Variants in DOK1 observed in about 807,000 individuals in gnomAD.
DOK1 encodes the protein docking protein 1.
Under a neutral mutation model 24.0 loss-of-function variants are expected in DOK1, and 12 were observed. The ratio of observed to expected loss-of-function variants is 0.50; its 90% CI spans 0.32 to 0.81. The LOEUF is 0.81. Among genes scored for constraint, DOK1 ranks in the 30% least tolerant of loss-of-function variants. The pLI, the probability that DOK1 is intolerant of heterozygous loss-of-function variation, is 0.03. For synonymous variants in DOK1, 250 were observed against 260.9 expected, an observed-to-expected ratio of 0.96 and a Z score of 0.40; for missense variants, 591 against 620.7, an observed-to-expected ratio of 0.95 and a Z score of 0.51.
At chr2:74,549,999 A>G, upstream of DOK1, 1 of 985,414 alleles carries the variant, frequency 1.0e-6, no homozygotes, top group South Asian at 4.7e-5. This position sits in a 1 kb window ranked among gnomAD's most constrained non-coding sequence, Gnocchi z 5.3. Flanking sequence ...TAGCCCCTTG[A>G]ATGTGAATGC....
upstream of DOK1, chr2:74,552,227 G>T (rs1229677100): frequency 8.8e-7 from 1 of 1,136,166 alleles, no homozygotes; most frequent in Non-Finnish European, 1.3e-6. Flanking sequence ...TCTTGGTGTC[G>T]TGTGTCCCTA....
upstream of DOK1, chr2:74,550,069 C>T (rs1198802087): frequency 1.2e-5 from 18 of 1,480,758 alleles, no homozygotes; most frequent in Non-Finnish European, 1.6e-5. Context: ...TCCAAGTCTC[C>T]CACCAATCCA....
Position 74,555,797 on chromosome 2 carries a change from C to G in DOK1, c.455-97C>G. ...TAGGAAGGCCCTGAGATCTGGCTTCCGAGTGAGTGCTTGGACACTATGCTC... is the reference window on the plus strand; with the variant it reads ...TAGGAAGGCCCTGAGATCTGGCTTCGGAGTGAGTGCTTGGACACTATGCTC... On this transcript the variant is annotated intron_variant, in intron 3 of 4. Transcript: ENST00000233668. This position sits in a 1 kb window ranked among gnomAD's most constrained non-coding sequence, Gnocchi z 6.1. 9 of 1,582,770 alleles carry G rather than the reference C, an allele frequency of 5.7e-6. No homozygotes were observed. In the South Asian group the frequency reaches 1.0e-4, roughly 18 times the overall value.
At chr2:74,552,581 C>T, upstream of DOK1, 2 of 1,602,132 alleles carry the variant, frequency 1.2e-6, no homozygotes, top group Non-Finnish European at 1.7e-6. Flanking sequence ...AACTGCACAG[C>T]AGGCACAGCA....
In DOK1 at chr2:74,554,750, G is replaced by T. The variant is rs757047878; in HGVS notation, c.-5G>T. 7 of 1,613,278 alleles carry T rather than the reference G, an allele frequency of 4.3e-6. No homozygotes were observed. In the East Asian group the frequency reaches 1.1e-4, roughly 26 times the overall value. ...CAGGAAGCGCGGAAGGAACCGCCGG[G>T]GGCCATGGACGGAGCAGTGATGGAA... On this transcript the variant is annotated 5_prime_UTR_variant, in exon 1 of 5. Coordinates refer to ENST00000233668, the MANE Select transcript of DOK1 (RefSeq NM_001381.5). This position sits in a 1 kb window ranked among gnomAD's most constrained non-coding sequence, Gnocchi z 4.9.
upstream of DOK1, chr2:74,554,652 G>C (rs1201451706): frequency 6.0e-6 from 7 of 1,175,054 alleles, no homozygotes; most frequent in Non-Finnish European, 8.4e-6. The surrounding 1 kb of genome is among the most constrained non-coding windows in gnomAD (Gnocchi z 4.9). Context: ...GGCTGCCGGC[G>C]GGGGCCGGGG....
upstream of DOK1, chr2:74,552,973 C>G: frequency 3.5e-6 from 1 of 285,550 alleles, no homozygotes; most frequent in Non-Finnish European, 6.5e-6. Context: ...CCCAGACAGA[C>G]AGGATGTGAG....
chr2:74,555,702 T>C lies in DOK1; in HGVS notation c.454+34T>C. The stretch of plus-strand genomic sequence containing the variant: ...CTCAGAAGCCCGGGCAGGGATGGAG[T>C]GAAGAGGAGGAGGGCCGAGGGCCTT... On this transcript the variant is annotated intron_variant, in intron 3 of 4. Coordinates refer to ENST00000233668, the MANE Select transcript of DOK1 (RefSeq NM_001381.5). This position sits in a 1 kb window ranked among gnomAD's most constrained non-coding sequence, Gnocchi z 6.1. The C allele has an allele frequency of 6.2e-7, 1 of 1,611,888 alleles. No individual in the cohort carries two copies. The highest frequency in any genetic ancestry group is 8.5e-7 in the Non-Finnish European group (1 of 1,179,418).
chr2:74,556,555 A>G lies in DOK1; in HGVS notation c.887A>G (p.Tyr296Cys), dbSNP rs367731905. 5.7e-5 allele frequency: 92 copies of G among 1,614,052 alleles called. No individual in the cohort carries two copies. The highest frequency in any genetic ancestry group is 9.3e-5 in the African/African-American group (7 of 74,924). ...CTCCTCGACAGTCCCCCAGCCCTGT[A>G]TGCTGAGCCCTTAGACTCCCTGCGC... is the stretch of plus-strand genomic sequence containing the variant. ...QELLDSPPAL[Y>C]AEPLDSLRIA... Residue 296 changes from tyrosine to cysteine, a missense_variant, in exon 5 of 5, where the codon TAT becomes TGT. Tyr to Cys is a radical substitution (Grantham distance 194). Coordinates refer to ENST00000233668, the MANE Select transcript of DOK1 (RefSeq NM_001381.5). This position sits in a 1 kb window ranked among gnomAD's most constrained non-coding sequence, Gnocchi z 4.1.
Position 74,556,756 on chromosome 2 carries a change from A to G in DOK1, c.1088A>G (p.Asp363Gly). 6.2e-7 allele frequency: 1 copy of G among 1,614,154 alleles called. No individual in the cohort carries two copies. The stretch of plus-strand genomic sequence containing the variant: ...GACCCCAAAGAGGATCCCATCTATG[A>G]TGAACCTGAGGGCCTGGCCCCAGTC... ...LTDPKEDPIY[D>G]EPEGLAPVPP... The change falls in exon 5 of 5, where the codon GAT becomes GGT. Residue 363 changes from aspartate to glycine, a missense_variant. Transcript: ENST00000233668. This position sits in a 1 kb window ranked among gnomAD's most constrained non-coding sequence, Gnocchi z 4.1.
chr2:74,557,353 T>TC lies in DOK1; in HGVS notation c.*243dup. On this transcript the variant is annotated 3_prime_UTR_variant, in exon 5 of 5. Transcript: ENST00000233668. ...CCCCCAAAGCCATCCCTTCCCTACT[T>TC]CCCCAAATGAAGGGACGGCTGTGGG... The TC allele has an allele frequency of 2.1e-6, 1 of 471,676 alleles. No homozygotes were observed. Among genetic ancestry groups the TC allele is most frequent in the Non-Finnish European group, 3.8e-6 (1 of 263,746 alleles). The allele number at this position is 471,676 out of a possible 1,614,324, so 29.2% of individuals were successfully genotyped here.
In DOK1 at chr2:74,557,356, C is replaced by T. The variant is rs1225637499; in HGVS notation, c.*242C>T. On this transcript the variant is annotated 3_prime_UTR_variant, in exon 5 of 5. Coordinates refer to ENST00000233668, the MANE Select transcript of DOK1 (RefSeq NM_001381.5). Reference sequence around the variant, plus strand: ...CCAAAGCCATCCCTTCCCTACTTCCCCAAATGAAGGGACGGCTGTGGGACC... The same window carrying T: ...CCAAAGCCATCCCTTCCCTACTTCCTCAAATGAAGGGACGGCTGTGGGACC... 7 of 468,810 alleles carry T rather than the reference C, an allele frequency of 1.5e-5. No homozygotes were observed. Among genetic ancestry groups the T allele is most frequent in the Non-Finnish European group, 2.7e-5 (7 of 262,120 alleles). The allele number at this position is 468,810 out of a possible 1,614,324, so 29.0% of individuals were successfully genotyped here.
chr2:74,549,314 C>A lies in DOK1; in HGVS notation c.-358+142C>A, dbSNP rs1676833200. ...TGCTCAGATGTCTCCCAAGGCTATT[C>A]ATCAGGGAGCACCCCAATCCCGGCC... is the stretch of plus-strand genomic sequence containing the variant. On this transcript the variant is annotated intron_variant, in intron 1 of 4. Transcript: ENST00000409429. This position sits in a 1 kb window ranked among gnomAD's most constrained non-coding sequence, Gnocchi z 5.3. The A allele has an allele frequency of 6.0e-6, 9 of 1,503,350 alleles. No individual in the cohort carries two copies. The East Asian group carries it at 2.0e-4, about 33-fold the overall frequency. The allele number at this position is 1,503,350 out of a possible 1,614,324, so 93.1% of individuals were successfully genotyped here.
At position 74,555,130 on chromosome 2, in the gene DOK1, C is replaced by T. The variant is rs762574239; in HGVS notation, c.61-24C>T. ...GCCGCCTGCGCACGCCACTCCCTCT[C>T]GAGCACTCTCTCTCTCTCCCTAGAG... On this transcript the variant is annotated intron_variant, in intron 1 of 4. Transcript: ENST00000233668. This position sits in a 1 kb window ranked among gnomAD's most constrained non-coding sequence, Gnocchi z 6.1. 1.1e-4 allele frequency: 178 copies of T among 1,595,356 alleles called. No homozygotes were observed. The highest frequency in any genetic ancestry group is 1.5e-4 in the Non-Finnish European group (175 of 1,169,742).
At chr2:74,552,945 C>T (rs1558632785), upstream of DOK1, 3 of 328,100 alleles carry the variant, frequency 9.1e-6, no homozygotes, top group South Asian at 8.8e-5. Context: ...GCAAGAGACA[C>T]GTAGAGAGAG....
Position 74,555,656 on chromosome 2 carries a change from C to A in DOK1, c.442C>A (p.Pro148Thr). The stretch of plus-strand genomic sequence containing the variant: ...GATGCTGGAGAACTCCTTGTACAGC[C>A]CTACCTGGGAAGGTAGACGCCTCAG... ...LEMLENSLYS[P>T]TWEGSQFWVT... The change falls in exon 3 of 5, where the codon CCT (proline) becomes ACT (threonine). Residue 148 changes from proline to threonine, a missense_variant. By Grantham distance (38) the Pro-to-Thr change is conservative. Transcript: ENST00000233668. The surrounding 1 kb of genome is among the most constrained non-coding windows in gnomAD (Gnocchi z 6.1). The A allele has an allele frequency of 6.2e-7, 1 of 1,614,018 alleles. No individual in the cohort carries two copies. The highest frequency in any genetic ancestry group is 1.1e-5 in the South Asian group (1 of 91,058).
rs777159494 is a variant in DOK1 at position 74,554,807 on chromosome 2, G to T, written c.53G>T (p.Gly18Val). The change falls in exon 1 of 5, where the codon GGG (glycine) becomes GTG (valine). Residue 18 changes from glycine to valine, a missense_variant. Transcript: ENST00000233668. This position sits in a 1 kb window ranked among gnomAD's most constrained non-coding sequence, Gnocchi z 4.9. ...CTTTTTTTGCAGAGTCAGCGCTTTG[G>T]GACCAAGGTAGTCTGGCGCATGGAT... is the stretch of plus-strand genomic sequence containing the variant. Reference protein sequence around the residue: ...GPLFLQSQRFGTKRWRKTWAV... With the variant: ...GPLFLQSQRFVTKRWRKTWAV... 1 of 1,613,978 alleles carries T rather than the reference G, an allele frequency of 6.2e-7. No individual in the cohort carries two copies. Among genetic ancestry groups the T allele is most frequent in the Non-Finnish European group, 8.5e-7 (1 of 1,179,994 alleles).
Position 74,555,026 on chromosome 2 carries a change from A to G in DOK1, c.61-128A>G, listed in dbSNP as rs769613274. 37 of 1,396,936 alleles carry G rather than the reference A, an allele frequency of 2.6e-5. No individual in the cohort carries two copies. Among genetic ancestry groups the G allele is most frequent in the Non-Finnish European group, 3.5e-5 (36 of 1,034,996 alleles). 86.5% of individuals were successfully genotyped at this position (1,396,936 alleles called of 1,614,324 possible). Reference sequence around the variant, plus strand: ...GACGGAGTGGCATCGTCCTTGGGAAACTTCGCCCCCAACCCCGTTTGGAAG... The same window carrying G: ...GACGGAGTGGCATCGTCCTTGGGAAGCTTCGCCCCCAACCCCGTTTGGAAG... On this transcript the variant is annotated intron_variant, in intron 1 of 4. Transcript: ENST00000233668. This position sits in a 1 kb window ranked among gnomAD's most constrained non-coding sequence, Gnocchi z 6.1.
At chr2:74,550,467 C>G (rs1228056950), upstream of DOK1, 13 of 1,117,770 alleles carry the variant, frequency 1.2e-5, 1 homozygote, top group Non-Finnish European at 1.5e-5. Context: ...TCCCATCTTT[C>G]TGGTATGATA....
Sources: gnomAD v4.1 joint callset for allele counts on GRCh38, gnomAD v4.1.1 for gene constraint, Gnocchi (gnomAD v3.1) non-coding constraint, MANE v1.5 for transcripts, NCBI Gene and HGNC (gene_info 2026-07-23, HGNC 2026-07-21) for gene names.